The following MACROD2 variants were observed in gnomAD, a reference collection of about 807,000 sequenced individuals.
MACROD2 encodes the protein ADP-ribose glycohydrolase MACROD2.
A neutral mutation model predicts 70.4 loss-of-function variants in MACROD2; 36 were observed. The ratio of observed to expected loss-of-function variants is 0.51; its 90% CI spans 0.39 to 0.68. The LOEUF (loss-of-function observed/expected upper bound fraction) is 0.68, where lower values mean the gene tolerates loss of function less well. Ranked by LOEUF, MACROD2 falls within the 30% of genes least tolerant of loss-of-function variation. MACROD2 has a pLI of 0.00. For missense variants in MACROD2, 496 were observed against 538.4 expected (o/e 0.92, Z 0.78); for synonymous variants, 172 against 178.8 (o/e 0.96, Z 0.30).
At chr20:15,807,210 A>G (rs2063777116) in intron 8 of MACROD2, among the ~76,000 whole-genome samples, 1 of 152,198 alleles carries the variant, frequency 6.6e-6, no homozygotes, top group South Asian at 2.1e-4. Flanking sequence ...CCAAGCTCCA[A>G]CTACGACATA....
intron 1 of MACROD2, among the ~76,000 whole-genome samples, chr20:13,999,888 C>T (rs2052709378): frequency 6.6e-6 from 1 of 152,162 alleles, no homozygotes; most frequent in African/African-American, 2.4e-5. Context: ...CCTTAGTGCA[C>T]CTGTAGTCCC....
chr20:14,903,214 T>C (rs1451375224), intron 5 of MACROD2, among the ~76,000 whole-genome samples: 1 of 151,934 alleles, frequency 6.6e-6, no homozygotes, highest in African/African-American at 2.4e-5. Flanking sequence ...GCTAAATTTG[T>C]ATTCTTAGTA....
chr20:15,380,819 G>A (rs1028156049), intron 6 of MACROD2, among the ~76,000 whole-genome samples: 1 of 152,194 alleles, frequency 6.6e-6, no homozygotes, highest in African/African-American at 2.4e-5. Context: ...TGTTGTGTCA[G>A]TAGCTATAAC....
intron 8 of MACROD2, among the ~76,000 whole-genome samples, chr20:15,855,172 A>T (rs1568599504): frequency 6.6e-6 from 1 of 152,292 alleles, no homozygotes; most frequent in South Asian, 2.1e-4. Context: ...CTGCCCTATG[A>T]CTGGTGGCTC....
At chr20:15,154,502 C>T (rs149667769) in intron 5 of MACROD2, among the ~76,000 whole-genome samples, 1 of 152,310 alleles carries the variant, frequency 6.6e-6, no homozygotes, top group Non-Finnish European at 1.5e-5. Flanking sequence ...GCTACTATAA[C>T]AAAGTACCAT....
intron 8 of MACROD2, among the ~76,000 whole-genome samples, chr20:15,665,890 T>A (rs1369986062): frequency 6.6e-6 from 1 of 152,202 alleles, no homozygotes; most frequent in African/African-American, 2.4e-5. Context: ...TGCCGCCTGG[T>A]GAAGCTCTGC....
chr20:14,249,760 T>C (rs1160170631), intron 3 of MACROD2, among the ~76,000 whole-genome samples: 1 of 152,140 alleles, frequency 6.6e-6, no homozygotes, highest in Non-Finnish European at 1.5e-5. Flanking sequence ...AGCTATAGTA[T>C]GGCAAAATTT....
chr20:15,491,753 G>A (rs776265504), intron 7 of MACROD2, among the ~76,000 whole-genome samples: 7 of 152,164 alleles, frequency 4.6e-5, no homozygotes, highest in Non-Finnish European at 7.4e-5. Flanking sequence ...AGTGAGCTCT[G>A]GCCACCAGAA....
At chr20:15,505,976 AC>A (rs1325247547) in intron 8 of MACROD2, among the ~76,000 whole-genome samples, 2 of 152,194 alleles carry the variant, frequency 1.3e-5, no homozygotes, top group Non-Finnish European at 2.9e-5. Flanking sequence ...GGAGGGAAAC[AC>A]AACACCTGTG....
intron 13 of MACROD2, among the ~76,000 whole-genome samples, chr20:15,977,539 G>A (rs777100680): frequency 9.9e-5 from 15 of 152,208 alleles, no homozygotes; most frequent in Non-Finnish European, 1.9e-4. Context: ...GAGAAAGTAA[G>A]TTATAGTCCT....
In MACROD2 at chr20:14,812,076, G is replaced by A. The variant is rs527460192; in HGVS notation, c.418+127117G>A. Among the ~76,000 whole-genome samples the A allele has an allele frequency of 3.4e-4, 52 of 152,080 alleles. No homozygotes were observed. In the East Asian group the frequency reaches 9.7e-3, roughly 28 times the overall value. ...ATTTGACCCAGCCATCCCATTACTG[G>A]GTATATACCCAAAGGATTGTAAATC... On this transcript the variant is annotated intron_variant, in intron 5 of 17. Coordinates refer to ENST00000684519, the MANE Select transcript of MACROD2 (RefSeq NM_001351661.2).
intron 8 of MACROD2, among the ~76,000 whole-genome samples, chr20:15,791,827 A>G (rs1018073862): frequency 6.6e-6 from 1 of 152,096 alleles, no homozygotes; most frequent in African/African-American, 2.4e-5. Context: ...AAACCACAAT[A>G]TTATACATTG....
At chr20:16,041,953 T>C (rs2067313665) in intron 16 of MACROD2, among the ~76,000 whole-genome samples, 1 of 152,008 alleles carries the variant, frequency 6.6e-6, no homozygotes, top group Non-Finnish European at 1.5e-5. Flanking sequence ...AATAAGTATT[T>C]GATTCCACTG....
At chr20:14,243,251 T>C (rs2081943759) in intron 3 of MACROD2, among the ~76,000 whole-genome samples, 1 of 152,206 alleles carries the variant, frequency 6.6e-6, no homozygotes, top group Non-Finnish European at 1.5e-5. Flanking sequence ...AATACTAATC[T>C]TCATATTCTT....
chr20:15,041,441 C>A (rs2075355762), intron 5 of MACROD2, among the ~76,000 whole-genome samples: 1 of 151,842 alleles, frequency 6.6e-6, no homozygotes, highest in Admixed American at 6.6e-5. Context: ...ATTAATTTCT[C>A]TCTCTCTCTC....
At chr20:14,277,884 G>A (rs2082273111) in intron 3 of MACROD2, among the ~76,000 whole-genome samples, 1 of 152,206 alleles carries the variant, frequency 6.6e-6, no homozygotes. Flanking sequence ...CTGAAAGGAT[G>A]AAGTAAAATC....
At chr20:14,870,409 T>C (rs1193475282) in intron 5 of MACROD2, among the ~76,000 whole-genome samples, 1 of 152,190 alleles carries the variant, frequency 6.6e-6, no homozygotes, top group African/African-American at 2.4e-5. Flanking sequence ...AACATATGCA[T>C]GCATGTGTCT....
chr20:15,862,886 C>G, intron 9 of MACROD2, 60 bp downstream of exon 9: 1 of 1,236,588 alleles, frequency 8.1e-7, no homozygotes, highest in Non-Finnish European at 1.2e-6. Flanking sequence ...GGAGCCGTCA[C>G]TTCTATTCCT....
intron 5 of MACROD2, among the ~76,000 whole-genome samples, chr20:15,023,874 C>T (rs556044739): frequency 6.6e-6 from 1 of 152,162 alleles, no homozygotes; most frequent in African/African-American, 2.4e-5. Flanking sequence ...CACACATTTT[C>T]ACTGGAGCAC....
Sources: gnomAD v4.1 joint callset for allele counts (sites outside exome capture counted in the v4.1 genomes callset) on GRCh38, gnomAD v4.1.1 for gene constraint, MANE v1.5 for transcripts, NCBI Gene and HGNC (gene_info 2026-07-23, HGNC 2026-07-21) for gene names.